The following ANKS1B variants were observed in gnomAD, a reference collection of about 807,000 sequenced individuals.
ANKS1B encodes ankyrin repeat and sterile alpha motif domain-containing protein 1B.
ANKS1B carries 36 observed loss-of-function variants against 148.3 expected under a neutral mutation model. The ratio of observed to expected loss-of-function variants is 0.24; its 90% confidence interval spans 0.19 to 0.32. The LOEUF (loss-of-function observed/expected upper bound fraction) is 0.32. Ranked by LOEUF, ANKS1B falls within the 10% of genes least tolerant of loss-of-function variation. ANKS1B has a pLI of 1.00. For synonymous variants in ANKS1B, 542 were observed against 560.8 expected, an observed-to-expected ratio of 0.97 and a Z score of 0.47; for missense variants, 1,157 against 1,542.6, an observed-to-expected ratio of 0.75 and a Z score of 4.19.
At chr12:98,973,870 G>A (rs903213384) in intron 17 of ANKS1B, among the ~76,000 whole-genome samples, 5 of 149,330 alleles carry the variant, frequency 3.3e-5, no homozygotes, top group Non-Finnish European at 7.4e-5. Context: ...CCTGCGATAT[G>A]TATCTATATG....
At position 99,501,419 on chromosome 12, in the gene ANKS1B, A is replaced by AT. The variant is rs148818910; in HGVS notation, c.1438+3056dup. 7.0e-3 allele frequency among the ~76,000 whole-genome samples: 1,059 copies of AT among 152,238 alleles called. 11 individuals carry two copies. Among genetic ancestry groups the AT allele is most frequent in the African/African-American group, 0.024 (1,013 of 41,548 alleles). ...TTGCTTCCACTTGATACCTGAGGGT[A>AT]TTAGTTTAAATGCATGAACTGACAT... On this transcript the variant is annotated intron_variant, in intron 10 of 26. Coordinates refer to ENST00000683438, the MANE Select transcript of ANKS1B (RefSeq NM_001352186.2).
intron 1 of ANKS1B, among the ~76,000 whole-genome samples, chr12:99,871,612 T>A (rs2153728668): frequency 6.6e-6 from 1 of 152,312 alleles, no homozygotes; most frequent in East Asian, 1.9e-4. Flanking sequence ...GTTCTCCTTG[T>A]AGAAATATTT....
chr12:99,978,244 C>T (rs773966587), intron 1 of ANKS1B, among the ~76,000 whole-genome samples: 2 of 152,188 alleles, frequency 1.3e-5, no homozygotes, highest in South Asian at 2.1e-4. Flanking sequence ...TGTAAGAAAT[C>T]GAGTCACACA....
intron 8 of ANKS1B, among the ~76,000 whole-genome samples, chr12:99,761,574 A>C (rs965527709): frequency 6.6e-6 from 1 of 152,094 alleles, no homozygotes; most frequent in African/African-American, 2.4e-5. Flanking sequence ...ATCTATGACA[A>C]ACTCACAGCC....
intron 9 of ANKS1B, among the ~76,000 whole-genome samples, chr12:99,640,777 A>G (rs988682727): frequency 1.3e-5 from 2 of 152,206 alleles, no homozygotes; most frequent in Admixed American, 6.5e-5. Flanking sequence ...CAATGGATAA[A>G]TTGGTTGAAT....
intron 9 of ANKS1B, among the ~76,000 whole-genome samples, chr12:99,575,051 T>C (rs12578628): frequency 0.022 from 3,412 of 152,128 alleles, 111 homozygotes; most frequent in South Asian, 0.066. Flanking sequence ...CTAAAACTAA[T>C]AAGTGATTAT....
chr12:99,415,845 G>A (rs1279595321), intron 11 of ANKS1B, among the ~76,000 whole-genome samples: 4 of 151,994 alleles, frequency 2.6e-5, no homozygotes, highest in Admixed American at 1.3e-4. Context: ...CACCACGCCC[G>A]GCTAATTTTT....
chr12:99,269,031 T>C (rs1296883169), intron 12 of ANKS1B, among the ~76,000 whole-genome samples: 2 of 152,200 alleles, frequency 1.3e-5, no homozygotes, highest in Non-Finnish European at 2.9e-5. Context: ...TCATTACAAA[T>C]ACACACAGCA....
chr12:99,519,044 T>C lies in ANKS1B; in HGVS notation c.1273-14403A>G, dbSNP rs562604370. On this transcript the variant is annotated intron_variant, in intron 9 of 26. Coordinates refer to ENST00000683438, the MANE Select transcript of ANKS1B (RefSeq NM_001352186.2). ...GTCTGTATAGTTTCCAAAATTCCTC[T>C]TGTTATTGATTATATTTATTCCATT... Among the ~76,000 whole-genome samples, 6 of 152,256 alleles carry C rather than the reference T, an allele frequency of 3.9e-5. No homozygotes were observed. The East Asian group carries it at 1.2e-3, about 29-fold the overall frequency.
intron 15 of ANKS1B, among the ~76,000 whole-genome samples, chr12:99,152,917 T>C (rs2075317396): frequency 6.6e-6 from 1 of 152,152 alleles, no homozygotes; most frequent in South Asian, 2.1e-4. Context: ...AAGACTTTCA[T>C]AGCAATTGAA....
rs138050969 is a variant in ANKS1B at position 98,919,049 on chromosome 12, T to A, written c.2779-86913A>T. Among the ~76,000 whole-genome samples the A allele has an allele frequency of 4.5e-3, 692 of 152,326 alleles. 8 individuals are homozygous for A. Among genetic ancestry groups the A allele is most frequent in the East Asian group, 0.032 (165 of 5,190 alleles). Reference sequence around the variant, plus strand: ...GGCACGGAAGTTTTATATTTTTCAATATATTGATATTTTCCTTTGTAATTT... The same window carrying A: ...GGCACGGAAGTTTTATATTTTTCAAAATATTGATATTTTCCTTTGTAATTT... On this transcript the variant is annotated intron_variant, in intron 17 of 26. Transcript: ENST00000683438.
At chr12:99,686,342 A>G (rs767637669) in intron 8 of ANKS1B, among the ~76,000 whole-genome samples, 3 of 152,144 alleles carry the variant, frequency 2.0e-5, no homozygotes, top group Non-Finnish European at 2.9e-5. Flanking sequence ...ACATGCCCAA[A>G]TAAGGCAAAA....
intron 1 of ANKS1B, among the ~76,000 whole-genome samples, chr12:99,852,042 G>A (rs2087957066): frequency 6.6e-6 from 1 of 152,134 alleles, no homozygotes; most frequent in Non-Finnish European, 1.5e-5. Context: ...AACAGTCCCT[G>A]CTCTCAGAAA....
intron 24 of ANKS1B, among the ~76,000 whole-genome samples, chr12:98,777,486 G>A (rs1441001705): frequency 2.0e-5 from 3 of 152,106 alleles, no homozygotes; most frequent in African/African-American, 7.2e-5. Flanking sequence ...TCTCCTCTCG[G>A]AAGACCTCCC....
Position 99,842,433 on chromosome 12 carries a change from C to G in ANKS1B, c.135-17044G>C, listed in dbSNP as rs553774695. Among the ~76,000 whole-genome samples the G allele has an allele frequency of 1.7e-4, 26 of 152,166 alleles. No individual in the cohort carries two copies. In the East Asian group the frequency reaches 3.9e-3, roughly 23 times the overall value. On this transcript the variant is annotated intron_variant, in intron 1 of 26. Transcript: ENST00000683438. ...CTGGCCTCCTAAAACTTCTCCTAGGCCCATCTGTGTACTTCCTTGTAAAAT... is the reference window on the plus strand; with the variant it reads ...CTGGCCTCCTAAAACTTCTCCTAGGGCCATCTGTGTACTTCCTTGTAAAAT...
chr12:98,791,200 C>T (rs1045636590), intron 22 of ANKS1B, among the ~76,000 whole-genome samples: 4 of 152,072 alleles, frequency 2.6e-5, no homozygotes, highest in African/African-American at 9.7e-5. Context: ...CAAAAATTAG[C>T]CGGACGTGGT....
intron 12 of ANKS1B, chr12:99,344,771 T>C (rs1313739104): frequency 6.6e-6 from 1 of 152,062 alleles, no homozygotes; most frequent in Non-Finnish European, 1.5e-5. Flanking sequence ...TGTATTAATA[T>C]TTCAATTAGC....
chr12:99,622,553 T>A (rs963565370), intron 9 of ANKS1B, among the ~76,000 whole-genome samples: 2 of 151,786 alleles, frequency 1.3e-5, no homozygotes, highest in African/African-American at 4.8e-5. Context: ...AAAGGTGACA[T>A]ACAACTGATC....
chr12:99,553,934 T>A (rs923473849), intron 9 of ANKS1B, among the ~76,000 whole-genome samples: 7 of 152,178 alleles, frequency 4.6e-5, no homozygotes, highest in Admixed American at 3.9e-4. Context: ...GTCTACTGTG[T>A]CTCAATCCTG....
Sources: allele counts gnomAD v4.1 joint callset (sites outside exome capture counted in the v4.1 genomes callset), GRCh38; gene constraint gnomAD v4.1.1; transcripts MANE v1.5; gene names NCBI Gene and HGNC (gene_info 2026-07-23, HGNC 2026-07-21).